ZNF804A: variants seen among roughly 807,000 people sequenced by gnomAD.
ZNF804A encodes the protein zinc finger protein 804A.
ZNF804A carries 2 observed loss-of-function variants against 16.5 expected under a neutral mutation model. That is an observed-to-expected ratio of 0.12 (90% CI 0.05 to 0.38). ZNF804A has a LOEUF of 0.38. ZNF804A is among the 10% of genes least tolerant of loss of function. The pLI, the probability that ZNF804A is intolerant of heterozygous loss-of-function variation, is 0.99. For missense variants in ZNF804A, 1,473 were observed against 1,390.7 expected, an observed-to-expected ratio of 1.06 and a Z score of -0.94; for synonymous variants, 534 against 489.6, an observed-to-expected ratio of 1.09 and a Z score of -1.20.
chr2:184,701,149 G>C (rs1046424969), intron 1 of ZNF804A, among the ~76,000 whole-genome samples: 1 of 151,790 alleles, frequency 6.6e-6, no homozygotes, highest in African/African-American at 2.4e-5. Context: ...ATGTTTTAGT[G>C]TTTGCCTTAC....
chr2:184,881,939 C>T (rs1425767311), intron 2 of ZNF804A, among the ~76,000 whole-genome samples: 3 of 151,950 alleles, frequency 2.0e-5, no homozygotes, highest in Non-Finnish European at 2.9e-5. Context: ...CTTCACATAT[C>T]AATACTACCC....
chr2:184,892,772 T>C (rs1220074658), intron 2 of ZNF804A, among the ~76,000 whole-genome samples: 1 of 152,174 alleles, frequency 6.6e-6, no homozygotes, highest in Non-Finnish European at 1.5e-5. Flanking sequence ...TGTGAGCCAC[T>C]GCACTCAGCT....
chr2:184,807,993 T>C (rs960730277), intron 1 of ZNF804A, among the ~76,000 whole-genome samples: 1 of 151,666 alleles, frequency 6.6e-6, no homozygotes, highest in African/African-American at 2.4e-5. Flanking sequence ...TAATTTAATT[T>C]GTTTATATTT....
intron 1 of ZNF804A, among the ~76,000 whole-genome samples, chr2:184,672,856 C>T (rs1242396162): frequency 2.0e-5 from 3 of 152,124 alleles, no homozygotes; most frequent in Non-Finnish European, 4.4e-5. Flanking sequence ...ATTCTCCTGC[C>T]TCAGCCTCCC....
intron 1 of ZNF804A, among the ~76,000 whole-genome samples, chr2:184,685,329 T>C (rs766684782): frequency 1.3e-5 from 2 of 152,086 alleles, no homozygotes; most frequent in Non-Finnish European, 2.9e-5. Context: ...GTCACAGCCG[T>C]GGCTCAGAGA....
At chr2:184,650,326 A>G (rs1030170998) in intron 1 of ZNF804A, among the ~76,000 whole-genome samples, 3 of 152,168 alleles carry the variant, frequency 2.0e-5, no homozygotes, top group African/African-American at 7.2e-5. Context: ...AATAAGAGCC[A>G]TCTATGACAA....
chr2:184,910,239 G>T (rs1242499566), intron 2 of ZNF804A, among the ~76,000 whole-genome samples: 1 of 151,756 alleles, frequency 6.6e-6, no homozygotes, highest in African/African-American at 2.4e-5. Flanking sequence ...CTTTTCTGTT[G>T]CTGCATTAAT....
At chr2:184,692,684 A>G (rs1249630182) in intron 1 of ZNF804A, among the ~76,000 whole-genome samples, 9 of 152,184 alleles carry the variant, frequency 5.9e-5, no homozygotes, top group Admixed American at 5.2e-4. Flanking sequence ...TGATTTTCCC[A>G]TAAGGGTATT....
intron 1 of ZNF804A, among the ~76,000 whole-genome samples, chr2:184,661,383 G>C (rs971079352): frequency 1.6e-4 from 25 of 152,170 alleles, no homozygotes; most frequent in Non-Finnish European, 3.1e-4. Flanking sequence ...CCATAGCTGG[G>C]TGAGTTTCGG....
At chr2:184,775,816 G>T (rs1013808762) in intron 1 of ZNF804A, among the ~76,000 whole-genome samples, 4 of 151,544 alleles carry the variant, frequency 2.6e-5, no homozygotes, top group African/African-American at 9.7e-5. Context: ...AATGAAGATG[G>T]CTAATGGGGT....
intron 2 of ZNF804A, among the ~76,000 whole-genome samples, chr2:184,922,385 CATTTTT>C (rs1438028734): frequency 6.6e-6 from 1 of 151,922 alleles, no homozygotes; most frequent in African/African-American, 2.4e-5. Context: ...TCCTGTTTGT[CATTTTT>C]ATGTCTTTTG....
At position 184,903,471 on chromosome 2, in the gene ZNF804A, C is replaced by T. The variant is rs1558997942; in HGVS notation, c.256-30132C>T. Among the ~76,000 whole-genome samples the T allele has an allele frequency of 2.0e-5, 3 of 152,140 alleles. No homozygotes were observed. The East Asian group carries it at 5.8e-4, about 29-fold the overall frequency. On this transcript the variant is annotated intron_variant, in intron 2 of 3. Transcript: ENST00000302277. ...AGGAGCAATAGGCTATACCATAGAGCCTAGGTGTGTAGTAGGTTATACCAC... is the reference window on the plus strand; with the variant it reads ...AGGAGCAATAGGCTATACCATAGAGTCTAGGTGTGTAGTAGGTTATACCAC...
chr2:184,836,798 TA>T (rs1695355290), intron 1 of ZNF804A, among the ~76,000 whole-genome samples: 2 of 152,110 alleles, frequency 1.3e-5, no homozygotes, highest in East Asian at 3.9e-4. Context: ...TTGATATGGT[TA>T]TCAATATAAA....
chr2:184,702,766 C>A (rs1692942149), intron 1 of ZNF804A, among the ~76,000 whole-genome samples: 1 of 152,080 alleles, frequency 6.6e-6, no homozygotes, highest in Admixed American at 6.6e-5. Context: ...ATTTGAGTTA[C>A]AATTATGTGA....
chr2:184,642,348 C>A (rs1329133829), intron 1 of ZNF804A, among the ~76,000 whole-genome samples: 2 of 152,062 alleles, frequency 1.3e-5, no homozygotes, highest in African/African-American at 4.8e-5. Context: ...CATTCATATC[C>A]TTTCCCTTCC....
chr2:184,616,532 A>C (rs1691323479), intron 1 of ZNF804A, among the ~76,000 whole-genome samples: 1 of 152,284 alleles, frequency 6.6e-6, no homozygotes, highest in East Asian at 1.9e-4. Context: ...TTATAGAAGA[A>C]TTATCGTTCT....
At chr2:184,792,258 G>C (rs1694558386) in intron 1 of ZNF804A, among the ~76,000 whole-genome samples, 1 of 152,124 alleles carries the variant, frequency 6.6e-6, no homozygotes, top group Non-Finnish European at 1.5e-5. Context: ...CTTCAATCGT[G>C]GCTGTACCAT....
chr2:184,760,357 CAT>C (rs1336642821), intron 1 of ZNF804A, among the ~76,000 whole-genome samples: 2 of 151,934 alleles, frequency 1.3e-5, no homozygotes, highest in Admixed American at 6.6e-5. Context: ...ATGCATATGA[CAT>C]ATATAATTAT....
chr2:184,714,694 T>G (rs938966077), intron 1 of ZNF804A, among the ~76,000 whole-genome samples: 119 of 152,258 alleles, frequency 7.8e-4, no homozygotes, highest in African/African-American at 2.7e-3. Flanking sequence ...GTAACTTGTC[T>G]ACATAGTTGT....
Sources: allele counts gnomAD v4.1 joint callset (sites outside exome capture counted in the v4.1 genomes callset), GRCh38; gene constraint gnomAD v4.1.1; transcripts MANE v1.5; gene names NCBI Gene and HGNC (gene_info 2026-07-23, HGNC 2026-07-21).